The following PTPRM variants were observed in gnomAD, a reference collection of about 807,000 sequenced individuals.
The protein encoded by PTPRM is protein tyrosine phosphatase receptor type M.
Under a neutral mutation model 186.7 loss-of-function variants are expected in PTPRM, and 47 were observed. The ratio of observed to expected loss-of-function variants is 0.25; its 90% CI spans 0.20 to 0.32. PTPRM has a LOEUF of 0.32. Among genes scored for constraint, PTPRM ranks in the 10% least tolerant of loss-of-function variants. The pLI is 1.00. For missense variants in PTPRM, 1,494 were observed against 1,865.0 expected, an observed-to-expected ratio of 0.80 and a Z score of 3.66; for synonymous variants, 668 against 674.9, an observed-to-expected ratio of 0.99 and a Z score of 0.16.
At chr18:7,983,327 A>G (rs1431888831) in intron 7 of PTPRM, among the ~76,000 whole-genome samples, 1 of 152,084 alleles carries the variant, frequency 6.6e-6, no homozygotes, top group African/African-American at 2.4e-5. Context: ...CTGAGGGGGA[A>G]CAGTTTCATC....
At chr18:7,589,612 A>G (rs1437254757) in intron 1 of PTPRM, among the ~76,000 whole-genome samples, 3 of 152,208 alleles carry the variant, frequency 2.0e-5, no homozygotes, top group African/African-American at 4.8e-5. Context: ...CTGGTTTACA[A>G]TATAGTAACT....
intron 7 of PTPRM, among the ~76,000 whole-genome samples, chr18:7,979,180 C>T (rs2055163808): frequency 6.6e-6 from 1 of 152,208 alleles, no homozygotes; most frequent in Admixed American, 6.5e-5. Context: ...TGACCCGCCA[C>T]TGTAGAGTCC....
intron 13 of PTPRM, among the ~76,000 whole-genome samples, chr18:8,123,096 A>C (rs2145835417): frequency 6.6e-6 from 1 of 152,298 alleles, no homozygotes; most frequent in South Asian, 2.1e-4. Context: ...GAGTCCAGTA[A>C]ATTACTTCAG....
At chr18:7,632,677 C>T (rs900397891) in intron 1 of PTPRM, among the ~76,000 whole-genome samples, 3 of 152,156 alleles carry the variant, frequency 2.0e-5, no homozygotes, top group African/African-American at 4.8e-5. Flanking sequence ...TCTGGATAGG[C>T]TGCATGTTAC....
chr18:7,585,004 G>A (rs1322000069), intron 1 of PTPRM, among the ~76,000 whole-genome samples: 2 of 152,234 alleles, frequency 1.3e-5, no homozygotes, highest in African/African-American at 2.4e-5. Flanking sequence ...CATAGACAGC[G>A]TGGAAATTAG....
chr18:7,932,024 G>A lies in PTPRM; in HGVS notation c.663+5341G>A, dbSNP rs1018041104. On this transcript the variant is annotated intron_variant, in intron 5 of 32. Transcript: ENST00000580170. ...CCATTTTGGTGTTTTTGTAACTTCT[G>A]CTCTTTAATTCATTTCTTGTAATCG... 3.3e-4 allele frequency among the ~76,000 whole-genome samples: 50 copies of A among 152,284 alleles called. 1 individual carries two copies. Among genetic ancestry groups the A allele is most frequent in the Non-Finnish European group, 1.5e-5 (1 of 68,026 alleles).
chr18:8,050,461 TG>T (rs2087403525), intron 7 of PTPRM, among the ~76,000 whole-genome samples: 1 of 151,954 alleles, frequency 6.6e-6, no homozygotes, highest in Admixed American at 6.6e-5. Flanking sequence ...TATTGAACTC[TG>T]ATTAGTGAAT....
chr18:7,949,115 G>A, intron 5 of PTPRM, 66 bp from the exon 6 acceptor site: 2 of 1,419,266 alleles, frequency 1.4e-6, no homozygotes, highest in South Asian at 2.6e-5. Context: ...ACCATTGGGT[G>A]TCTGACTGTT....
chr18:8,387,302 T>C, intron 31 of PTPRM, 67 bp downstream of exon 31: 2 of 1,460,254 alleles, frequency 1.4e-6, no homozygotes, highest in South Asian at 2.5e-5. Flanking sequence ...ACCTCCTAGT[T>C]CTCTGACTTT....
chr18:7,858,068 C>T (rs1309446691), intron 2 of PTPRM, among the ~76,000 whole-genome samples: 4 of 152,110 alleles, frequency 2.6e-5, no homozygotes, highest in Non-Finnish European at 5.9e-5. Flanking sequence ...AATCAAAGCC[C>T]ATTAAGCTTA....
intron 2 of PTPRM, among the ~76,000 whole-genome samples, chr18:7,848,971 C>T (rs767030021): frequency 8.5e-5 from 13 of 152,048 alleles, no homozygotes; most frequent in African/African-American, 1.7e-4. Context: ...AAACAAAATA[C>T]TAGATATCTC....
chr18:7,817,163 C>G (rs1291759951), intron 2 of PTPRM, among the ~76,000 whole-genome samples: 2 of 151,918 alleles, frequency 1.3e-5, no homozygotes, highest in Non-Finnish European at 2.9e-5. Context: ...TTACTAGAAA[C>G]AGGGTTTTGC....
intron 7 of PTPRM, among the ~76,000 whole-genome samples, chr18:8,035,669 G>T (rs1259577469): frequency 6.6e-6 from 1 of 152,064 alleles, no homozygotes; most frequent in Non-Finnish European, 1.5e-5. Context: ...ATAAAAAGAG[G>T]ACAGATCCCA....
At chr18:7,901,417 A>C (rs1233428021) in intron 3 of PTPRM, among the ~76,000 whole-genome samples, 2 of 151,970 alleles carry the variant, frequency 1.3e-5, no homozygotes, top group African/African-American at 2.4e-5. Flanking sequence ...GCCAGGCTGC[A>C]GTGCAGTGGC....
chr18:7,573,196 G>A (rs1024468712), intron 1 of PTPRM, among the ~76,000 whole-genome samples: 1 of 152,196 alleles, frequency 6.6e-6, no homozygotes. Flanking sequence ...ACAAGCTCTA[G>A]AGATCTTAGC....
chr18:8,195,349 A>AGCAAC (rs2093763084), intron 14 of PTPRM, among the ~76,000 whole-genome samples: 2 of 151,962 alleles, frequency 1.3e-5, no homozygotes, highest in Non-Finnish European at 2.9e-5. Context: ...GTTAGGATGG[A>AGCAAC]TGTGTGGATT....
intron 7 of PTPRM, among the ~76,000 whole-genome samples, chr18:7,998,586 A>G (rs2083680156): frequency 6.6e-6 from 1 of 152,208 alleles, no homozygotes; most frequent in South Asian, 2.1e-4. Flanking sequence ...TATTTTAAAT[A>G]TAGAAAGAAT....
At chr18:8,031,389 A>C (rs758324123) in intron 7 of PTPRM, among the ~76,000 whole-genome samples, 18 of 152,188 alleles carry the variant, frequency 1.2e-4, no homozygotes, top group South Asian at 2.1e-4. Context: ...TTTGATAGGG[A>C]CATCATGCGT....
Position 8,296,285 on chromosome 18 carries a change from C to T in PTPRM, c.2755-83C>T, listed in dbSNP as rs138831148. 3,811 of 849,554 alleles carry T rather than the reference C, an allele frequency of 4.5e-3. 9 individuals are homozygous for T. The highest frequency in any genetic ancestry group is 0.015 in the Admixed American group (813 of 54,148). The allele number at this position is 849,554 out of a possible 1,614,324, so 52.6% of individuals were successfully genotyped here. Reference sequence around the variant, plus strand: ...TCTTTCCTTCTTGACCCTTGTTCTACGTTTTTTAAGAACATCCTCCATCGT... The same window carrying T: ...TCTTTCCTTCTTGACCCTTGTTCTATGTTTTTTAAGAACATCCTCCATCGT... On this transcript the variant is annotated intron_variant, in intron 19 of 32. Coordinates refer to ENST00000580170, the MANE Select transcript of PTPRM (RefSeq NM_001105244.2).
Sources: allele counts gnomAD v4.1 joint callset (sites outside exome capture counted in the v4.1 genomes callset), GRCh38; gene constraint gnomAD v4.1.1; transcripts MANE v1.5; gene names NCBI Gene and HGNC (gene_info 2026-07-23, HGNC 2026-07-21).